DPP6: variants seen among roughly 807,000 people sequenced by gnomAD.
The protein encoded by DPP6 is dipeptidyl peptidase like 6.
In DPP6, 69 loss-of-function variants were observed where a neutral mutation model predicts 122.6. The observed-to-expected ratio is 0.56, with a 90% CI of 0.46 to 0.69. DPP6 has a LOEUF of 0.69. Among genes scored for constraint, DPP6 ranks in the 30% least tolerant of loss-of-function variants. The pLI is 0.00. For missense variants in DPP6, 928 were observed against 1,116.9 expected, an observed-to-expected ratio of 0.83 and a Z score of 2.41; for synonymous variants, 418 against 433.1, an observed-to-expected ratio of 0.97 and a Z score of 0.43.
chr7:154,668,581 A>G (rs904082682), intron 6 of DPP6, among the ~76,000 whole-genome samples: 1 of 152,122 alleles, frequency 6.6e-6, no homozygotes, highest in Admixed American at 6.5e-5. Flanking sequence ...CAGACTCAGC[A>G]GAACACAGAT....
At position 154,830,153 on chromosome 7, in the gene DPP6, A is replaced by G. The variant is rs1187290646; in HGVS notation, c.1666+23041A>G. On this transcript the variant is annotated intron_variant, in intron 16 of 25. Transcript: ENST00000377770. Reference sequence around the variant, plus strand: ...TTGAGTCTTCCAGCTATGCCTTTGAACACGTTTTCCTGTCTCTATCTTTTT... The same window carrying G: ...TTGAGTCTTCCAGCTATGCCTTTGAGCACGTTTTCCTGTCTCTATCTTTTT... Among the ~76,000 whole-genome samples, 6 of 152,164 alleles carry G rather than the reference A, an allele frequency of 3.9e-5. No individual in the cohort carries two copies. In the East Asian group the frequency reaches 1.2e-3, roughly 29 times the overall value.
upstream of DPP6, among the ~76,000 whole-genome samples, chr7:153,886,591 C>T (rs1161020624): frequency 6.6e-6 from 1 of 152,162 alleles, no homozygotes; most frequent in African/African-American, 2.4e-5. Context: ...AGGTGTGCGG[C>T]GGGGAGAGCG....
chr7:154,097,677 C>G (rs1244752188), intron 1 of DPP6, among the ~76,000 whole-genome samples: 1 of 152,278 alleles, frequency 6.6e-6, no homozygotes, highest in Admixed American at 6.5e-5. Context: ...TAGCAGGGAT[C>G]TGGGAGCAGA....
At chr7:154,074,809 C>G (rs1431840919) in intron 1 of DPP6, among the ~76,000 whole-genome samples, 1 of 151,610 alleles carries the variant, frequency 6.6e-6, no homozygotes, top group African/African-American at 2.4e-5. Flanking sequence ...TTGGTATATG[C>G]CTTTCATAAG....
At position 154,693,270 on chromosome 7, in the gene DPP6, C is replaced by T. The variant is rs149337990; in HGVS notation, c.762+23829C>T. 8.5e-4 allele frequency among the ~76,000 whole-genome samples: 129 copies of T among 152,258 alleles called. 1 individual carries two copies. The highest frequency in any genetic ancestry group is 6.8e-3 in the Middle Eastern group (2 of 294). On this transcript the variant is annotated intron_variant, in intron 7 of 25. Transcript: ENST00000377770. ...TCTAACAAGGGGAAGCAAACGCTGA[C>T]GTGGCCGAGAAGGAAGGCCCTTACT...
intron 1 of DPP6, among the ~76,000 whole-genome samples, chr7:154,301,794 TTTTTTTTTTTTTTTTTTTTG>T (rs1449082032): frequency 2.3e-5 from 2 of 87,622 alleles, no homozygotes; most frequent in East Asian, 2.7e-4. Context: ...CTCTTTTTTT[TTTTTTTTTTTTTTTTTTTTG>T]TTGGAGACAG....
At position 154,144,141 on chromosome 7, in the gene DPP6, C is replaced by G. The variant is rs992143; in HGVS notation, c.243+91078C>G. Among the ~76,000 whole-genome samples the G allele has an allele frequency of 8.0e-3, 1,132 of 141,950 alleles. 8 individuals carry two copies. Among genetic ancestry groups the G allele is most frequent in the African/African-American group, 0.032 (1,054 of 32,586 alleles). The allele number at this position is 141,950 out of a possible 152,430, so 93.1% of individuals were successfully genotyped here. On this transcript the variant is annotated intron_variant, in intron 1 of 25. Transcript: ENST00000377770. ...CTAATTTGCATTTTTTGATTACTTA[C>G]TAAGGTTGAATTTTTTTCATGTTTA...
At chr7:154,248,040 G>A (rs1038706164) in intron 1 of DPP6, among the ~76,000 whole-genome samples, 1 of 152,138 alleles carries the variant, frequency 6.6e-6, no homozygotes, top group Non-Finnish European at 1.5e-5. Context: ...GTTGGGTTCT[G>A]ATGAGGGCCC....
At chr7:153,800,671 C>T in the DPP6 span, among the ~76,000 whole-genome samples, 14 of 152,148 alleles carry the variant, frequency 9.2e-5, no homozygotes, top group East Asian at 1.9e-4. Context: ...CATGCACCAC[C>T]GTGCCAGGCT....
At chr7:154,333,621 T>C (rs1467674082) in intron 1 of DPP6, among the ~76,000 whole-genome samples, 2 of 152,210 alleles carry the variant, frequency 1.3e-5, no homozygotes. Flanking sequence ...CTGTAGAGAA[T>C]ATTGGTGAAG....
At chr7:154,132,696 A>T (rs1244781313) in intron 1 of DPP6, among the ~76,000 whole-genome samples, 1 of 152,056 alleles carries the variant, frequency 6.6e-6, no homozygotes, top group African/African-American at 2.4e-5. Context: ...TGCCTAAAGG[A>T]TAACATCCCT....
chr7:153,908,219 A>G (rs531210234), intron 1 of DPP6, among the ~76,000 whole-genome samples: 29 of 152,256 alleles, frequency 1.9e-4, no homozygotes, highest in African/African-American at 6.3e-4. Context: ...TTAGAATTAT[A>G]AAGAATTTTG....
At chr7:154,076,409 C>T (rs1352044834) in intron 1 of DPP6, among the ~76,000 whole-genome samples, 1 of 151,574 alleles carries the variant, frequency 6.6e-6, no homozygotes, top group Non-Finnish European at 1.5e-5. Flanking sequence ...GAGATTGTGG[C>T]AATGCACTCC....
chr7:154,721,530 G>C (rs530143891), intron 7 of DPP6, among the ~76,000 whole-genome samples: 11 of 152,284 alleles, frequency 7.2e-5, no homozygotes, highest in Non-Finnish European at 1.0e-4. Flanking sequence ...CTAAATATAA[G>C]TGAAAACTGT....
At chr7:154,544,095 T>C (rs1270031316) in intron 4 of DPP6, among the ~76,000 whole-genome samples, 2 of 147,590 alleles carry the variant, frequency 1.4e-5, no homozygotes, top group East Asian at 3.9e-4. Flanking sequence ...TTTTGTTTTA[T>C]ATATATATAT....
Position 154,887,682 on chromosome 7 carries a change from C to G in DPP6, c.2252C>G (p.Ala751Gly). 1 of 1,613,798 alleles carries G rather than the reference C, an allele frequency of 6.2e-7. No homozygotes were observed. The highest frequency in any genetic ancestry group is 2.2e-5 in the East Asian group (1 of 44,866). The change falls in exon 23 of 26, where the codon GCG (alanine) becomes GGG (glycine). Residue 751 changes from alanine (A) to glycine (G), a missense_variant. Transcript: ENST00000377770. ...PITDFKLYAS[A>G]FSERYLGLHG... ...TCCCTTTGCTTCCGTGCAGCCTCTG[C>G]GTTTTCCGAGAGGTACTTGGGCCTC... is the stretch of plus-strand genomic sequence containing the variant.
intron 10 of DPP6, among the ~76,000 whole-genome samples, chr7:154,781,270 C>T (rs1461151959): frequency 3.9e-5 from 6 of 152,120 alleles, no homozygotes; most frequent in Non-Finnish European, 7.4e-5. Flanking sequence ...AAAAGGACAA[C>T]ATGGCTTTAC....
At chr7:154,319,277 C>A (rs1439126896) in intron 1 of DPP6, among the ~76,000 whole-genome samples, 1 of 150,184 alleles carries the variant, frequency 6.7e-6, no homozygotes, top group Non-Finnish European at 1.5e-5. Flanking sequence ...TGCTCTAACA[C>A]AGGCGAGATT....
intron 1 of DPP6, among the ~76,000 whole-genome samples, chr7:153,952,387 T>G (rs375476514): frequency 1.3e-5 from 2 of 152,382 alleles, no homozygotes; most frequent in South Asian, 4.1e-4. Context: ...CAAAGCTATA[T>G]AGGCTGCTGA....
Sources: gnomAD v4.1 joint callset for allele counts (sites outside exome capture counted in the v4.1 genomes callset) on GRCh38, gnomAD v4.1.1 for gene constraint, MANE v1.5 for transcripts, NCBI Gene and HGNC (gene_info 2026-07-23, HGNC 2026-07-21) for gene names.